The following GRIP1 variants were observed in gnomAD, a reference collection of about 807,000 sequenced individuals.
GRIP1 encodes the protein glutamate receptor interacting protein 1.
Under a neutral mutation model 129.9 loss-of-function variants are expected in GRIP1, and 45 were observed. The observed-to-expected ratio is 0.35, with a 90% confidence interval of 0.27 to 0.44. The LOEUF is 0.44. GRIP1 is among the 20% of genes least tolerant of loss of function. The pLI is 1.00. For missense variants in GRIP1, 1,196 were observed against 1,396.8 expected (o/e 0.86, Z 2.29); for synonymous variants, 530 against 520.8 (o/e 1.02, Z -0.24).
intron 1 of GRIP1, among the ~76,000 whole-genome samples, chr12:67,066,430 T>C (rs991746160): frequency 1.8e-4 from 27 of 152,194 alleles, no homozygotes; most frequent in African/African-American, 5.3e-4. Context: ...AAATAAAATC[T>C]ACATGAAAAA....
chr12:66,729,286 G>C (rs529199911), intron 1 of GRIP1, among the ~76,000 whole-genome samples: 1 of 151,990 alleles, frequency 6.6e-6, no homozygotes, highest in Admixed American at 6.6e-5. Flanking sequence ...TAGGTTTTTG[G>C]CTAGTATTAA....
At chr12:66,694,412 T>C (rs1035578896) in intron 1 of GRIP1, among the ~76,000 whole-genome samples, 2 of 152,202 alleles carry the variant, frequency 1.3e-5, no homozygotes, top group African/African-American at 4.8e-5. Flanking sequence ...CCTTTACCTC[T>C]TCCCCAAGGA....
At chr12:66,565,072 T>G (rs986915192) in intron 2 of GRIP1, among the ~76,000 whole-genome samples, 2 of 152,208 alleles carry the variant, frequency 1.3e-5, no homozygotes, top group East Asian at 1.9e-4. Flanking sequence ...ATTCTGTAGG[T>G]TGCTGGTTCA....
intron 1 of GRIP1, among the ~76,000 whole-genome samples, chr12:66,867,961 T>C (rs2040233622): frequency 6.6e-6 from 1 of 152,012 alleles, no homozygotes; most frequent in South Asian, 2.1e-4. Context: ...CAATTCTATA[T>C]GAAGGGAAAA....
intron 1 of GRIP1, among the ~76,000 whole-genome samples, chr12:66,941,280 T>C (rs2041581361): frequency 6.6e-6 from 1 of 152,188 alleles, no homozygotes; most frequent in Admixed American, 6.5e-5. Context: ...TGTAGATTCA[T>C]TTCCCCACCT....
In GRIP1 at chr12:66,694,492, C is replaced by G. The variant is rs115224460; in HGVS notation, c.-419-64156G>C. 6.7e-3 allele frequency among the ~76,000 whole-genome samples: 1,026 copies of G among 152,166 alleles called. 12 individuals carry two copies. The highest frequency in any genetic ancestry group is 0.023 in the African/African-American group (958 of 41,492). On this transcript the variant is annotated intron_variant, in intron 1 of 4. Transcript: ENST00000538373. ...CTGATAGGATCTTGGCAGATGGGCA[C>G]AGTGCCAGCTCACAGTAAATGCTCA...
chr12:66,985,282 G>A (rs1463506308), intron 1 of GRIP1, among the ~76,000 whole-genome samples: 1 of 152,132 alleles, frequency 6.6e-6, no homozygotes, highest in East Asian at 1.9e-4. Flanking sequence ...TAGTAAGAAT[G>A]TCAATTTATA....
chr12:66,696,866 G>T (rs1819504928), intron 1 of GRIP1, among the ~76,000 whole-genome samples: 1 of 151,366 alleles, frequency 6.6e-6, no homozygotes, highest in Non-Finnish European at 1.5e-5. Flanking sequence ...ATCCAAGAGG[G>T]ATGTTAGGCA....
At chr12:66,411,173 C>G (rs1190075463) in intron 15 of GRIP1, among the ~76,000 whole-genome samples, 1 of 152,094 alleles carries the variant, frequency 6.6e-6, no homozygotes, top group Non-Finnish European at 1.5e-5. Flanking sequence ...TAAGCGGGTC[C>G]CTGATACCGT....
chr12:66,890,365 T>G (rs1022230458), intron 1 of GRIP1, among the ~76,000 whole-genome samples: 5 of 152,230 alleles, frequency 3.3e-5, no homozygotes, highest in Admixed American at 2.0e-4. Context: ...AAATCTAAGC[T>G]TAATCTTATT....
chr12:66,606,421 C>G (rs1010714214), intron 1 of GRIP1, among the ~76,000 whole-genome samples: 3 of 152,088 alleles, frequency 2.0e-5, no homozygotes, highest in African/African-American at 7.2e-5. Context: ...TAAATAATTT[C>G]TTAGAGATCT....
intron 9 of GRIP1, among the ~76,000 whole-genome samples, chr12:66,457,497 G>C (rs1037668208): frequency 6.6e-6 from 1 of 152,184 alleles, no homozygotes; most frequent in Non-Finnish European, 1.5e-5. Flanking sequence ...CTGGTCTCAA[G>C]TGATCCTTCT....
intron 11 of GRIP1, among the ~76,000 whole-genome samples, chr12:66,451,718 C>T (rs548980143): frequency 1.3e-5 from 2 of 152,204 alleles, no homozygotes; most frequent in South Asian, 4.1e-4. Context: ...AGACTTCTGT[C>T]TCACTAAAGT....
chr12:67,010,822 C>A (rs559953520), intron 1 of GRIP1, among the ~76,000 whole-genome samples: 9 of 151,962 alleles, frequency 5.9e-5, no homozygotes, highest in Admixed American at 4.6e-4. Flanking sequence ...TGTCTCCCCC[C>A]CAGCGCAGGA....
intron 1 of GRIP1, among the ~76,000 whole-genome samples, chr12:66,915,696 T>C (rs996508370): frequency 3.3e-5 from 5 of 152,236 alleles, no homozygotes; most frequent in African/African-American, 1.2e-4. Context: ...CTATGTCTTG[T>C]ATGCTGGGCA....
rs985410561 is a variant in GRIP1, at chr12:66,386,711, T to C, written c.2464+5597A>G. On this transcript the variant is annotated intron_variant, in intron 19 of 24. Coordinates refer to ENST00000359742, the MANE Select transcript of GRIP1 (RefSeq NM_001366722.1). ...TGGGACTGTAGCTCTTGCCATTACT[T>C]TCATTCTTGGAAACCAATTTTAGTA... Among the ~76,000 whole-genome samples the C allele has an allele frequency of 3.9e-5, 6 of 152,360 alleles. 1 individual carries two copies. The highest frequency in any genetic ancestry group is 3.9e-4 in the Admixed American group (6 of 15,304).
At chr12:66,953,279 G>T (rs2041789093) in intron 1 of GRIP1, among the ~76,000 whole-genome samples, 1 of 152,204 alleles carries the variant, frequency 6.6e-6, no homozygotes, top group Non-Finnish European at 1.5e-5. Context: ...GAAGGAAAAG[G>T]ATAAGGCAGG....
chr12:66,781,986 C>G (rs1370595763), intron 1 of GRIP1, among the ~76,000 whole-genome samples: 1 of 152,142 alleles, frequency 6.6e-6, no homozygotes, highest in Admixed American at 6.5e-5. Flanking sequence ...ACTTCAAAAA[C>G]ATGCAAAAGT....
chr12:66,680,177 T>C (rs1303316899), upstream of GRIP1, among the ~76,000 whole-genome samples: 1 of 152,222 alleles, frequency 6.6e-6, no homozygotes, highest in African/African-American at 2.4e-5. Flanking sequence ...TCTAGGACTT[T>C]ATGAATTATT....
Sources: allele counts gnomAD v4.1 joint callset (sites outside exome capture counted in the v4.1 genomes callset), GRCh38; gene constraint gnomAD v4.1.1; transcripts MANE v1.5; gene names NCBI Gene and HGNC (gene_info 2026-07-23, HGNC 2026-07-21).